PTPN14: variants seen among roughly 807,000 people sequenced by gnomAD.
PTPN14 encodes the protein protein tyrosine phosphatase non-receptor type 14.
Under a neutral mutation model 126.8 loss-of-function variants are expected in PTPN14, and 53 were observed. The observed-to-expected ratio is 0.42, with a 90% CI of 0.34 to 0.53. PTPN14 has a LOEUF of 0.53. Among genes scored for constraint, PTPN14 ranks in the 20% least tolerant of loss-of-function variants. The pLI, the probability that PTPN14 is intolerant of heterozygous loss-of-function variation, is 0.08. For missense variants in PTPN14, 1,257 were observed against 1,552.9 expected (o/e 0.81, Z 3.20); for synonymous variants, 630 against 599.3 (o/e 1.05, Z -0.75).
chr1:214,406,496 A>T (rs1659174995), intron 5 of PTPN14, among the ~76,000 whole-genome samples: 1 of 152,128 alleles, frequency 6.6e-6, no homozygotes, highest in African/African-American at 2.4e-5. Context: ...AAAAAGAAAA[A>T]AAAAAGTAGC....
At chr1:214,478,485 A>C (rs575773392) in intron 1 of PTPN14, among the ~76,000 whole-genome samples, 16 of 152,318 alleles carry the variant, frequency 1.1e-4, no homozygotes, top group African/African-American at 3.4e-4. Context: ...GAGGAGGAAC[A>C]GAGAAGAAAC....
In PTPN14 at chr1:214,384,858, TC is replaced by T; in HGVS notation, c.1067-71del. On this transcript the variant is annotated intron_variant, in intron 12 of 18. Transcript: ENST00000366956. The surrounding 1 kb of genome is among the most constrained non-coding windows in gnomAD (Gnocchi z 5.3). The stretch of plus-strand genomic sequence containing the variant: ...GCCACAACAAAGTACATCCTCATAC[TC>T]ATGAGGTGACTTTTAATTTAAACAA... 1 of 1,503,974 alleles carries T rather than the reference TC, an allele frequency of 6.6e-7. No individual in the cohort carries two copies. Among genetic ancestry groups the T allele is most frequent in the Non-Finnish European group, 8.9e-7 (1 of 1,119,948 alleles). The allele number at this position is 1,503,974 out of a possible 1,614,324, so 93.2% of individuals were successfully genotyped here.
At chr1:214,386,787 T>C (rs1658625242) in intron 12 of PTPN14, 57 bp downstream of exon 12, 5 of 1,454,818 alleles carry the variant, frequency 3.4e-6, no homozygotes, top group Admixed American at 3.7e-5. Flanking sequence ...CCTTCTTTAC[T>C]GCTTACTGGT....
At chr1:214,542,687 T>C (rs902089668) in intron 1 of PTPN14, among the ~76,000 whole-genome samples, 5 of 152,068 alleles carry the variant, frequency 3.3e-5, no homozygotes, top group East Asian at 3.9e-4. Flanking sequence ...TGATAGGCAA[T>C]GATGAGTGTT....
intron 1 of PTPN14, 22 bp from the exon 2 acceptor site, chr1:214,464,979 C>T: frequency 1.5e-6 from 1 of 667,354 alleles, no homozygotes; most frequent in Non-Finnish European, 2.5e-6. Flanking sequence ...AAAGAAATGC[C>T]ATGGTCATGC....
At chr1:214,388,119 C>A (rs1473070511) in intron 11 of PTPN14, among the ~76,000 whole-genome samples, 2 of 152,014 alleles carry the variant, frequency 1.3e-5, no homozygotes, top group African/African-American at 4.8e-5. Context: ...CAAAACAAAA[C>A]AAAAAAACTT....
At chr1:214,524,753 T>TG (rs1655345960) in intron 1 of PTPN14, among the ~76,000 whole-genome samples, 2 of 152,154 alleles carry the variant, frequency 1.3e-5, no homozygotes, top group Non-Finnish European at 1.5e-5. Context: ...TTTCAGACTA[T>TG]GCTCCTCTCC....
rs533137152 is a variant in PTPN14, at chr1:214,549,717, G to A, written c.-155+1466C>T. Among the ~76,000 whole-genome samples, 5 of 152,302 alleles carry A rather than the reference G, an allele frequency of 3.3e-5. No individual in the cohort carries two copies. In the South Asian group the frequency reaches 1.0e-3, roughly 32 times the overall value. ...AAAGAAGAATCAATACCATTTTAAT[G>A]AAACCGAGCATGGGCCAATTAAAAT... On this transcript the variant is annotated intron_variant, in intron 1 of 18. Transcript: ENST00000366956.
intron 5 of PTPN14, among the ~76,000 whole-genome samples, chr1:214,403,222 A>G (rs1299435088): frequency 1.3e-5 from 2 of 152,270 alleles, no homozygotes; most frequent in East Asian, 3.9e-4. Flanking sequence ...AGCTCTTTTC[A>G]TTCATTCTTC....
At chr1:214,392,917 G>A (rs1025005368) in intron 10 of PTPN14, among the ~76,000 whole-genome samples, 7 of 152,216 alleles carry the variant, frequency 4.6e-5, no homozygotes, top group African/African-American at 1.7e-4. Context: ...CACTGTGGGA[G>A]TGGAAAAGCA....
chr1:214,427,010 G>A (rs1336873602), intron 3 of PTPN14, among the ~76,000 whole-genome samples: 2 of 152,172 alleles, frequency 1.3e-5, no homozygotes, highest in African/African-American at 2.4e-5. Context: ...GGCCAGCGTG[G>A]TGGCTCACGC....
At chr1:214,448,819 T>C (rs1660206822) in intron 3 of PTPN14, among the ~76,000 whole-genome samples, 1 of 152,092 alleles carries the variant, frequency 6.6e-6, no homozygotes, top group Admixed American at 6.5e-5. Flanking sequence ...CTTGTTCCAT[T>C]TTTAGATGGC....
intron 1 of PTPN14, among the ~76,000 whole-genome samples, chr1:214,475,348 A>C (rs1170234995): frequency 6.6e-6 from 1 of 152,194 alleles, no homozygotes; most frequent in African/African-American, 2.4e-5. Context: ...CAGTAGGAAA[A>C]ATTCTTTCTG....
chr1:214,482,628 A>G (rs1489749659), intron 1 of PTPN14, among the ~76,000 whole-genome samples: 1 of 152,156 alleles, frequency 6.6e-6, no homozygotes, highest in Non-Finnish European at 1.5e-5. Context: ...AAAATCACTG[A>G]GCAAGAAAAG....
At chr1:214,374,421 G>A (rs921008774) in intron 15 of PTPN14, among the ~76,000 whole-genome samples, 4 of 152,168 alleles carry the variant, frequency 2.6e-5, no homozygotes, top group African/African-American at 4.8e-5. Flanking sequence ...GGCACCCAAC[G>A]TATAGGAAAC....
At chr1:214,533,597 C>T (rs575561277) in intron 1 of PTPN14, 17 of 209,196 alleles carry the variant, frequency 8.1e-5, no homozygotes, top group Admixed American at 3.2e-4. Flanking sequence ...TTTGGGAGGC[C>T]GAGGCGGGCA....
intron 1 of PTPN14, among the ~76,000 whole-genome samples, chr1:214,519,323 T>C (rs1204985881): frequency 6.6e-6 from 1 of 152,128 alleles, no homozygotes; most frequent in Non-Finnish European, 1.5e-5. Flanking sequence ...TTATACAGCA[T>C]TGCATTCCTG....
chr1:214,435,632 C>G (rs945985461), intron 3 of PTPN14, among the ~76,000 whole-genome samples: 14 of 152,018 alleles, frequency 9.2e-5, no homozygotes, highest in Admixed American at 6.5e-4. Flanking sequence ...ATGTGGCCAA[C>G]AAGCATAAGA....
At chr1:214,451,607 G>A (rs1660274043) in intron 3 of PTPN14, among the ~76,000 whole-genome samples, 198 bp downstream of exon 3, 2 of 152,120 alleles carry the variant, frequency 1.3e-5, no homozygotes, top group African/African-American at 4.8e-5. Flanking sequence ...AACTGCTGGG[G>A]TTAGCTACAT....
Sources: allele counts gnomAD v4.1 joint callset (sites outside exome capture counted in the v4.1 genomes callset), GRCh38; gene constraint gnomAD v4.1.1; non-coding constraint Gnocchi (gnomAD v3.1); transcripts MANE v1.5; gene names NCBI Gene and HGNC (gene_info 2026-07-23, HGNC 2026-07-21).